The following UBE3D variants were observed in gnomAD, a reference collection of about 807,000 sequenced individuals.
UBE3D encodes the protein ubiquitin protein ligase E3D.
UBE3D carries 48 observed loss-of-function variants against 49.6 expected under a neutral mutation model. That is an observed-to-expected ratio of 0.97 (90% CI 0.77 to 1.23). The LOEUF is 1.23. UBE3D is among the 50% of genes most tolerant of loss of function. The pLI is 0.00. For synonymous variants in UBE3D, 189 were observed against 174.2 expected (o/e 1.08, Z -0.67); for missense variants, 452 against 468.4 (o/e 0.96, Z 0.32).
intron 5 of UBE3D, among the ~76,000 whole-genome samples, chr6:83,025,359 A>T (rs971424598): frequency 6.6e-6 from 1 of 152,216 alleles, no homozygotes; most frequent in East Asian, 1.9e-4. Context: ...TGTAAACACA[A>T]TCATCTTGGA....
intron 2 of UBE3D, among the ~76,000 whole-genome samples, chr6:83,057,081 G>A (rs1783862535): frequency 6.6e-6 from 1 of 152,122 alleles, no homozygotes; most frequent in Admixed American, 6.5e-5. Context: ...AATATAACAG[G>A]CATAGTAAAA....
chr6:83,019,845 C>G (rs978348944), intron 7 of UBE3D, among the ~76,000 whole-genome samples: 4 of 152,158 alleles, frequency 2.6e-5, no homozygotes, highest in Non-Finnish European at 4.4e-5. Flanking sequence ...GCTTTCTGTG[C>G]CCCAGGATCA....
chr6:83,019,010 C>T lies in UBE3D; in HGVS notation c.973G>A (p.Val325Ile), dbSNP rs1284175874. The T allele has an allele frequency of 3.1e-6, 5 of 1,613,428 alleles. No individual in the cohort carries two copies. The highest frequency in any genetic ancestry group is 3.3e-5 in the Admixed American group (2 of 59,852). The part of the protein sequence containing the change: ...DSSSAWSAVK[V>I]LYQPCIKSRN... ...CTTTTGATGCATGGCTGGTAGAGGA[C>T]CTTGACAGCACTCCAGGCAGAACTA... Residue 325 changes from valine (V) to isoleucine (I), a missense_variant, in exon 8 of 10, where the codon GTC (valine) becomes ATC (isoleucine). Val to Ile is a conservative substitution (Grantham distance 29, BLOSUM62 3). Transcript: ENST00000369747.
At chr6:83,012,742 T>C (rs1780431443) in intron 8 of UBE3D, among the ~76,000 whole-genome samples, 3 of 152,226 alleles carry the variant, frequency 2.0e-5, no homozygotes, top group Admixed American at 1.3e-4. Flanking sequence ...GTCAAACCAT[T>C]GGCTACAGCC....
intron 8 of UBE3D, among the ~76,000 whole-genome samples, chr6:82,958,270 A>G (rs897014522): frequency 6.6e-6 from 1 of 152,152 alleles, no homozygotes; most frequent in Non-Finnish European, 1.5e-5. Context: ...AAATAAAATA[A>G]TAAGAATAGC....
rs1554211660 is a variant in UBE3D at position 83,046,676 on chromosome 6, G to GGGGGC, written c.366-2018_366-2017insGCCCC. Among the ~76,000 whole-genome samples, 10 of 138,300 alleles carry GGGGGC rather than the reference G, an allele frequency of 7.2e-5. 1 individual carries two copies. Among genetic ancestry groups the GGGGGC allele is most frequent in the African/African-American group, 2.8e-4 (10 of 36,002 alleles). The allele number at this position is 138,300 out of a possible 152,430, so 90.7% of individuals were successfully genotyped here. Reference sequence around the variant, plus strand: ...GTTCTAAATTCTTGCAGTTGGCGGGGGGGGTGGGCGGTGGCACCGGGGGAG... The same window carrying GGGGGC: ...GTTCTAAATTCTTGCAGTTGGCGGGGGGGGCGGGGTGGGCGGTGGCACCGGGGGAG... On this transcript the variant is annotated intron_variant, in intron 3 of 9. Transcript: ENST00000369747.
chr6:83,057,078 C>G (rs916562434), intron 2 of UBE3D, among the ~76,000 whole-genome samples: 7 of 152,140 alleles, frequency 4.6e-5, no homozygotes, highest in African/African-American at 1.7e-4. Context: ...GTAAATATAA[C>G]AGGCATAGTA....
At chr6:82,964,484 C>T (rs188269935) in intron 8 of UBE3D, among the ~76,000 whole-genome samples, 24 of 152,196 alleles carry the variant, frequency 1.6e-4, no homozygotes, top group African/African-American at 5.5e-4. Flanking sequence ...ACTTAAACCT[C>T]GTTTCTCATA....
intron 9 of UBE3D, among the ~76,000 whole-genome samples, chr6:82,909,741 G>C (rs112210390): frequency 3.3e-5 from 5 of 152,280 alleles, no homozygotes; most frequent in African/African-American, 1.2e-4. Flanking sequence ...TCACCTTCAT[G>C]TTGATTCTCT....
intron 4 of UBE3D, among the ~76,000 whole-genome samples, chr6:83,041,462 T>A (rs1051092135): frequency 1.3e-5 from 2 of 152,182 alleles, no homozygotes; most frequent in Non-Finnish European, 2.9e-5. Flanking sequence ...TGGTAGTATA[T>A]CATCAAGGAA....
At chr6:82,943,324 C>CA (rs1266333410) in intron 9 of UBE3D, among the ~76,000 whole-genome samples, 1 of 152,144 alleles carries the variant, frequency 6.6e-6, no homozygotes, top group Non-Finnish European at 1.5e-5. Context: ...TATCTACACA[C>CA]AAAAAAGCAC....
At chr6:83,062,862 A>G (rs1784255171) in intron 1 of UBE3D, among the ~76,000 whole-genome samples, 2 of 152,190 alleles carry the variant, frequency 1.3e-5, no homozygotes, top group African/African-American at 4.8e-5. Flanking sequence ...GTGATAGAAT[A>G]AATGAATATC....
At chr6:82,988,459 CATG>C (rs1778672959) in intron 8 of UBE3D, among the ~76,000 whole-genome samples, 1 of 151,228 alleles carries the variant, frequency 6.6e-6, no homozygotes, top group Non-Finnish European at 1.5e-5. Flanking sequence ...AAGTACAAGA[CATG>C]AGAAAAAAAA....
chr6:83,032,267 G>A (rs1367347003), intron 5 of UBE3D: 1 of 455,612 alleles, frequency 2.2e-6, no homozygotes, highest in East Asian at 7.0e-5. Flanking sequence ...GAACAGAGCT[G>A]TTCAAGGCCA....
At chr6:83,036,755 C>T (rs1782288898) in intron 5 of UBE3D, 1 of 150,242 alleles carries the variant, frequency 6.7e-6, no homozygotes, top group African/African-American at 2.5e-5. Flanking sequence ...TAGAGTCTCC[C>T]TATGTTCTCC....
intron 9 of UBE3D, among the ~76,000 whole-genome samples, chr6:82,921,565 G>C (rs558522672): frequency 6.6e-6 from 1 of 152,272 alleles, no homozygotes; most frequent in African/African-American, 2.4e-5. Flanking sequence ...CTACCTTTTA[G>C]AGGCAGATGG....
chr6:83,047,654 T>C (rs1783157443), intron 3 of UBE3D, among the ~76,000 whole-genome samples: 1 of 152,220 alleles, frequency 6.6e-6, no homozygotes, highest in Admixed American at 6.5e-5. Context: ...TGAGTCCACA[T>C]GTTTAGTTAA....
Position 83,065,560 on chromosome 6 carries a change from T to C in UBE3D, c.77+82A>G. On this transcript the variant is annotated intron_variant, in intron 1 of 9. Coordinates refer to ENST00000369747, the MANE Select transcript of UBE3D (RefSeq NM_198920.3). ...GAAAGAAGAAACTCAAAATCCCTCG[T>C]ACAGAGAGAGACTCACCAGCCCCCG... 3.7e-6 allele frequency: 5 copies of C among 1,338,566 alleles called. 2 individuals carry two copies. In the South Asian group the frequency reaches 6.4e-5, roughly 17 times the overall value. The allele number at this position is 1,338,566 out of a possible 1,614,324, so 82.9% of individuals were successfully genotyped here.
intron 9 of UBE3D, 86 bp from the exon 10 acceptor site, chr6:82,893,128 G>A: frequency 6.7e-7 from 1 of 1,497,544 alleles, no homozygotes. Context: ...ATCAGGTTAA[G>A]TCTGGTCAAT....
Sources: gnomAD v4.1 joint callset for allele counts (sites outside exome capture counted in the v4.1 genomes callset) on GRCh38, gnomAD v4.1.1 for gene constraint, MANE v1.5 for transcripts, NCBI Gene and HGNC (gene_info 2026-07-23, HGNC 2026-07-21) for gene names.